The following TRIM37 variants were observed in gnomAD, a reference collection of about 807,000 sequenced individuals.
TRIM37 encodes the protein E3 ubiquitin-protein ligase TRIM37.
In TRIM37, 80 loss-of-function variants were observed where a neutral mutation model predicts 129.8. That is an observed-to-expected ratio of 0.62 (90% CI 0.51 to 0.74). TRIM37 has a LOEUF of 0.74. Among genes scored for constraint, TRIM37 ranks in the 30% least tolerant of loss-of-function variants. The pLI is 0.00. For missense variants in TRIM37, 1,054 were observed against 1,176.5 expected, an observed-to-expected ratio of 0.90 and a Z score of 1.52; for synonymous variants, 389 against 387.1, an observed-to-expected ratio of 1.00 and a Z score of -0.06.
chr17:59,088,206 C>G (rs2043950189), intron 4 of TRIM37, 85 bp downstream of exon 4: 3 of 840,014 alleles, frequency 3.6e-6, no homozygotes, highest in Non-Finnish European at 6.1e-6. Flanking sequence ...TCATAAATAA[C>G]TAAAAGGCAA....
In TRIM37 at chr17:59,017,886, A is replaced by G. The variant is rs555833513; in HGVS notation, c.2258-462T>C. ...GGTGATCCACCTGCCGCGGCCTCCC[A>G]AAATGCTGGGATTACAGGCATGGGC... On this transcript the variant is annotated intron_variant, in intron 19 of 23. Coordinates refer to ENST00000262294, the MANE Select transcript of TRIM37 (RefSeq NM_015294.6). Among the ~76,000 whole-genome samples, 140 of 152,246 alleles carry G rather than the reference A, an allele frequency of 9.2e-4. 3 individuals carry two copies. The highest frequency in any genetic ancestry group is 3.2e-3 in the African/African-American group (132 of 41,534).
Position 58,998,871 on chromosome 17 carries a change from T to C in TRIM37, c.*506A>G. ...TCTAGTGTTACTTCAGTTATTCACA[T>C]AGTGTCTACAGGGCAGAATCTCTTC... On this transcript the variant is annotated 3_prime_UTR_variant, in exon 24 of 24. Transcript: ENST00000262294. The C allele has an allele frequency of 2.0e-6, 2 of 997,876 alleles. No homozygotes were observed. Among genetic ancestry groups the C allele is most frequent in the Non-Finnish European group, 1.2e-6 (1 of 837,084 alleles). 61.8% of individuals were successfully genotyped at this position (997,876 alleles called of 1,614,324 possible).
At chr17:59,053,072 C>A (rs544463984) in intron 13 of TRIM37, among the ~76,000 whole-genome samples, 1 of 152,310 alleles carries the variant, frequency 6.6e-6, no homozygotes, top group African/African-American at 2.4e-5. Context: ...AGACGATTCA[C>A]AGTCTAGGAA....
At chr17:59,014,959 C>T (rs2035730121) in intron 21 of TRIM37, among the ~76,000 whole-genome samples, 1 of 150,126 alleles carries the variant, frequency 6.7e-6, no homozygotes, top group Non-Finnish European at 1.5e-5. Context: ...GCCTGTAGTC[C>T]TGGCTACTTG....
chr17:59,104,231 T>C (rs2045787119), intron 2 of TRIM37, 62 bp downstream of exon 2: 2 of 1,472,524 alleles, frequency 1.4e-6, no homozygotes, highest in Admixed American at 1.8e-5. Context: ...ATAAGGGAAA[T>C]GGTTAATCCT....
At chr17:59,093,504 G>A (rs1025946845) in intron 2 of TRIM37, among the ~76,000 whole-genome samples, 1 of 152,274 alleles carries the variant, frequency 6.6e-6, no homozygotes, top group South Asian at 2.1e-4. Flanking sequence ...AGCTTTCCCT[G>A]ACACTCTGCA....
intron 3 of TRIM37, chr17:59,089,976 A>G (rs1177390766): frequency 1.3e-5 from 2 of 152,048 alleles, no homozygotes; most frequent in Non-Finnish European, 2.9e-5. Flanking sequence ...AGCACACACC[A>G]GTGGTCCCAG....
chr17:59,013,703 A>T (rs1297851902), intron 21 of TRIM37, among the ~76,000 whole-genome samples: 2 of 151,970 alleles, frequency 1.3e-5, no homozygotes, highest in Non-Finnish European at 2.9e-5. Flanking sequence ...TTTATTTAAA[A>T]AATAAACAGA....
chr17:59,001,805 C>T, intron 22 of TRIM37, 91 bp from the exon 23 acceptor site: 1 of 1,531,720 alleles, frequency 6.5e-7, no homozygotes, highest in Non-Finnish European at 8.8e-7. Context: ...ACTGAGATTC[C>T]TATTGAATTT....
intron 13 of TRIM37, among the ~76,000 whole-genome samples, chr17:59,052,110 T>C (rs1447684458): frequency 4.0e-5 from 6 of 151,850 alleles, no homozygotes; most frequent in Admixed American, 2.0e-4. Flanking sequence ...TATTACAATA[T>C]GGCATTATTT....
chr17:59,056,982 T>C lies in TRIM37; in HGVS notation c.1092A>G (p.Ala364=). ...DPTKNIIREF[A]SDFEVGECWG... is the part of the protein sequence containing the mutation. Reference sequence around the variant, plus strand: ...AGCATTCTCCAACTTCAAAGTCAGATGCAAATTCTCGAATGATATTTTTTG... The same window carrying C: ...AGCATTCTCCAACTTCAAAGTCAGACGCAAATTCTCGAATGATATTTTTTG... Residue 364 remains alanine, a synonymous_variant, in exon 13 of 24, where the codon GCA becomes GCG. Transcript: ENST00000262294. 1 of 1,613,884 alleles carries C rather than the reference T, an allele frequency of 6.2e-7. No individual in the cohort carries two copies. Among genetic ancestry groups the C allele is most frequent in the Non-Finnish European group, 8.5e-7 (1 of 1,179,902 alleles).
rs1291295818 is a variant in TRIM37 at position 59,007,217 on chromosome 17, C to CACACACA, written c.2695+5110_2695+5111insTGTGTGT. ...CACACACACACACACTAAAACCACC[C>CACACACA]CACCCCCACCCACCCACACACACAC... On this transcript the variant is annotated intron_variant, in intron 22 of 23. Coordinates refer to ENST00000262294, the MANE Select transcript of TRIM37 (RefSeq NM_015294.6). 8.5e-3 allele frequency among the ~76,000 whole-genome samples: 146 copies of CACACACA among 17,126 alleles called. 5 individuals are homozygous for CACACACA. Among genetic ancestry groups the CACACACA allele is most frequent in the South Asian group, 0.06 (6 of 100 alleles). The allele number at this position is 17,126 out of a possible 152,430, so 11.2% of individuals were successfully genotyped here.
chr17:59,032,515 G>C (rs931914116), intron 17 of TRIM37, among the ~76,000 whole-genome samples: 1 of 124,724 alleles, frequency 8.0e-6, no homozygotes, highest in African/African-American at 3.0e-5. Flanking sequence ...CTGGGCGACA[G>C]AGCGAGACTC....
chr17:59,035,579 G>A (rs1355798344), intron 17 of TRIM37, among the ~76,000 whole-genome samples: 2 of 151,490 alleles, frequency 1.3e-5, no homozygotes, highest in African/African-American at 4.8e-5. Flanking sequence ...TGGTGAAACC[G>A]TCTCTACTAA....
In TRIM37 at chr17:59,093,458, G is replaced by A. The variant is rs188795122; in HGVS notation, c.124-2118C>T. On this transcript the variant is annotated intron_variant, in intron 2 of 23. Transcript: ENST00000262294. ...TTCATCTGGGTTACTCCTACTCATT[G>A]TTTAGATTTCAGTTCATAAGTTGCT... Among the ~76,000 whole-genome samples, 145 of 152,228 alleles carry A rather than the reference G, an allele frequency of 9.5e-4. 1 individual carries two copies. Among genetic ancestry groups the A allele is most frequent in the Non-Finnish European group, 1.6e-3 (109 of 68,018 alleles).
At chr17:59,056,603 G>A (rs1291633162) in intron 13 of TRIM37, among the ~76,000 whole-genome samples, 13 of 150,270 alleles carry the variant, frequency 8.7e-5, no homozygotes, top group Non-Finnish European at 1.3e-4. Flanking sequence ...GGTGGCGGGC[G>A]CCTGTAGTCC....
At chr17:59,093,259 G>A (rs2044560553) in intron 2 of TRIM37, among the ~76,000 whole-genome samples, 1 of 152,076 alleles carries the variant, frequency 6.6e-6, no homozygotes, top group Admixed American at 6.6e-5. Flanking sequence ...CGAAATTTGG[G>A]TCAGGTTTCT....
At chr17:59,050,750 T>C (rs1298246608) in intron 14 of TRIM37, among the ~76,000 whole-genome samples, 1 of 151,952 alleles carries the variant, frequency 6.6e-6, no homozygotes, top group Non-Finnish European at 1.5e-5. Flanking sequence ...GAGGCCGAGG[T>C]GGGCAGATCA....
At chr17:58,980,783 T>C, downstream of TRIM37, 3 of 1,614,188 alleles carry the variant, frequency 1.9e-6, no homozygotes, top group Non-Finnish European at 2.5e-6. This position sits in a 1 kb window ranked among gnomAD's most constrained non-coding sequence, Gnocchi z 4.7. Context: ...ACGCCACCAC[T>C]ACTCAAAGAA....
Sources: gnomAD v4.1 joint callset for allele counts (sites outside exome capture counted in the v4.1 genomes callset) on GRCh38, gnomAD v4.1.1 for gene constraint, Gnocchi (gnomAD v3.1) non-coding constraint, MANE v1.5 for transcripts, NCBI Gene and HGNC (gene_info 2026-07-23, HGNC 2026-07-21) for gene names.